The following AIG1 variants were observed in gnomAD, a reference collection of about 807,000 sequenced individuals.
The protein encoded by AIG1 is androgen induced 1, also known as androgen-induced gene 1 protein.
In AIG1, 23 loss-of-function variants were observed where a neutral mutation model predicts 31.4. The observed-to-expected ratio is 0.73, with a 90% confidence interval of 0.53 to 1.04. The LOEUF (loss-of-function observed/expected upper bound fraction) is 1.04. Ranked by LOEUF, AIG1 falls within the 50% of genes least tolerant of loss-of-function variation. The probability of loss-of-function intolerance (pLI) is 0.00; values close to 1 mark genes in which losing one functional copy is unlikely to be tolerated. For synonymous variants in AIG1, 100 were observed against 110.5 expected (o/e 0.90, Z 0.60); for missense variants, 274 against 295.0 (o/e 0.93, Z 0.52).
chr6:143,207,321 G>C (rs989845129), intron 3 of AIG1, among the ~76,000 whole-genome samples: 2 of 151,872 alleles, frequency 1.3e-5, no homozygotes, highest in Admixed American at 6.6e-5. Flanking sequence ...TATATTTTTA[G>C]TTTTAGAATT....
intron 4 of AIG1, among the ~76,000 whole-genome samples, chr6:143,313,875 A>G (rs10457047): frequency 0.068 from 10,312 of 152,108 alleles, 598 homozygotes; most frequent in East Asian, 0.28. Flanking sequence ...TAAAAATTAA[A>G]ATTAAAAAGC....
At chr6:143,271,932 G>T (rs2128667945) in intron 3 of AIG1, among the ~76,000 whole-genome samples, 1 of 152,202 alleles carries the variant, frequency 6.6e-6, no homozygotes, top group Admixed American at 6.5e-5. Context: ...AATGGAAAAA[G>T]AAGATTTGCT....
intron 1 of AIG1, among the ~76,000 whole-genome samples, chr6:143,092,926 TATA>T (rs1304248748): frequency 2.6e-5 from 4 of 152,182 alleles, no homozygotes; most frequent in Admixed American, 6.5e-5. Flanking sequence ...GTCATATGGC[TATA>T]GTCCCAGGTA....
At chr6:143,068,130 G>A (rs1776890391) in intron 1 of AIG1, among the ~76,000 whole-genome samples, 1 of 152,194 alleles carries the variant, frequency 6.6e-6, no homozygotes, top group Non-Finnish European at 1.5e-5. Flanking sequence ...CTGACCACTA[G>A]TTGAGGTCAC....
downstream of AIG1, among the ~76,000 whole-genome samples, chr6:143,343,776 G>A (rs1273401721): frequency 1.3e-5 from 2 of 151,974 alleles, no homozygotes; most frequent in Admixed American, 6.5e-5. Context: ...TTGTTATATA[G>A]GTAAACTTGT....
rs186819785 is a variant in AIG1 at position 143,064,981 on chromosome 6, T to C, written c.141+3915T>C. 2.1e-3 allele frequency among the ~76,000 whole-genome samples: 325 copies of C among 152,128 alleles called. 3 individuals carry two copies. Among genetic ancestry groups the C allele is most frequent in the African/African-American group, 7.5e-3 (310 of 41,496 alleles). ...GCTAATGGAAAATTACAGTAAAAGG[T>C]GGTTATTTATTGTTAGCAGAGAAGG... On this transcript the variant is annotated intron_variant, in intron 1 of 5. Coordinates refer to ENST00000357847, the MANE Select transcript of AIG1 (RefSeq NM_016108.4).
chr6:143,285,182 G>A (rs375524894), intron 4 of AIG1, among the ~76,000 whole-genome samples: 6 of 151,974 alleles, frequency 3.9e-5, no homozygotes, highest in Admixed American at 1.3e-4. Context: ...ATAAAATAAA[G>A]GTCACTACAG....
At chr6:143,215,251 C>A (rs1791939493) in intron 3 of AIG1, among the ~76,000 whole-genome samples, 1 of 152,106 alleles carries the variant, frequency 6.6e-6, no homozygotes. Context: ...AACATTTCCA[C>A]CCCAAAAGTG....
chr6:143,163,804 G>A lies in AIG1; in HGVS notation c.298-1278G>A, dbSNP rs1036973600. 2.0e-5 allele frequency among the ~76,000 whole-genome samples: 3 copies of A among 152,078 alleles called. No homozygotes were observed. The South Asian group carries it at 6.2e-4, about 31-fold the overall frequency. ...TTTTCCTTGGCTTTGCTTATCAGTT[G>A]TTCCCTGTCTTTCTATCTCCTTTTA... On this transcript the variant is annotated intron_variant, in intron 2 of 5. Coordinates refer to ENST00000357847, the MANE Select transcript of AIG1 (RefSeq NM_016108.4).
Position 143,160,010 on chromosome 6 carries a change from A to G in AIG1, c.298-5072A>G, listed in dbSNP as rs558512118. Among the ~76,000 whole-genome samples, 323 of 152,340 alleles carry G rather than the reference A, an allele frequency of 2.1e-3. 1 individual carries two copies. The highest frequency in any genetic ancestry group is 3.5e-3 in the Non-Finnish European group (236 of 68,028). On this transcript the variant is annotated intron_variant, in intron 2 of 5. Coordinates refer to ENST00000357847, the MANE Select transcript of AIG1 (RefSeq NM_016108.4). Reference sequence around the variant, plus strand: ...CCAAACAGAATTTAAATCTTTTCCTATCAGTATTTGGTAGAGTCTGAGTAC... The same window carrying G: ...CCAAACAGAATTTAAATCTTTTCCTGTCAGTATTTGGTAGAGTCTGAGTAC...
At chr6:143,176,912 T>A (rs1447080516) in intron 3 of AIG1, among the ~76,000 whole-genome samples, 1 of 152,216 alleles carries the variant, frequency 6.6e-6, no homozygotes, top group African/African-American at 2.4e-5. Context: ...CTGCAGTAGT[T>A]CTTGGAGCAA....
chr6:143,150,564 A>G (rs1042173167), intron 2 of AIG1, among the ~76,000 whole-genome samples: 1 of 152,138 alleles, frequency 6.6e-6, no homozygotes, highest in Admixed American at 6.5e-5. Context: ...TGGGAAAACT[A>G]CTGCCATTGT....
At chr6:143,278,040 G>A (rs373007546) in intron 3 of AIG1, among the ~76,000 whole-genome samples, 1 of 152,196 alleles carries the variant, frequency 6.6e-6, no homozygotes, top group Non-Finnish European at 1.5e-5. Flanking sequence ...AAACTTCTCT[G>A]TAGTTTATAG....
intron 3 of AIG1, among the ~76,000 whole-genome samples, chr6:143,233,363 C>T (rs1163047150): frequency 6.6e-6 from 1 of 151,620 alleles, no homozygotes; most frequent in Non-Finnish European, 1.5e-5. Flanking sequence ...CAAATTAGAA[C>T]CCAGGAAATT....
rs918326390 is a variant in AIG1 at position 143,133,303 on chromosome 6, A to G, written c.142-3532A>G. Among the ~76,000 whole-genome samples the G allele has an allele frequency of 3.9e-5, 6 of 152,186 alleles. No homozygotes were observed. In the South Asian group the frequency reaches 1.2e-3, roughly 32 times the overall value. On this transcript the variant is annotated intron_variant, in intron 1 of 5. Coordinates refer to ENST00000357847, the MANE Select transcript of AIG1 (RefSeq NM_016108.4). ...ATTCCAGGGCTATGTTAGTGCCACT[A>G]TTTAGGCATGAGACTTCTTGGGTCT...
At chr6:143,320,111 A>G (rs1209363459) in intron 4 of AIG1, among the ~76,000 whole-genome samples, 2 of 152,210 alleles carry the variant, frequency 1.3e-5, no homozygotes, top group East Asian at 1.9e-4. Flanking sequence ...GCCAGCAAAT[A>G]TACAAAAGCT....
intron 4 of AIG1, among the ~76,000 whole-genome samples, chr6:143,286,508 A>G (rs1364891989): frequency 2.0e-5 from 3 of 152,146 alleles, no homozygotes; most frequent in African/African-American, 7.2e-5. Context: ...CCCTCACGTC[A>G]TGTCCCATTA....
At chr6:143,314,657 A>G (rs1439003294) in intron 4 of AIG1, among the ~76,000 whole-genome samples, 1 of 152,178 alleles carries the variant, frequency 6.6e-6, no homozygotes, top group African/African-American at 2.4e-5. Context: ...CACAAAAGAA[A>G]GTAGATGTGA....
intron 3 of AIG1, among the ~76,000 whole-genome samples, chr6:143,248,470 C>T (rs1258946119): frequency 6.6e-6 from 1 of 152,202 alleles, no homozygotes; most frequent in African/African-American, 2.4e-5. Flanking sequence ...AGTTGCTCAT[C>T]AGGGCTCGCT....
Sources: gnomAD v4.1 joint callset for allele counts (sites outside exome capture counted in the v4.1 genomes callset) on GRCh38, gnomAD v4.1.1 for gene constraint, MANE v1.5 for transcripts, NCBI Gene and HGNC (gene_info 2026-07-23, HGNC 2026-07-21) for gene names.